Variants in GALNT12 observed in about 807,000 individuals in gnomAD.
GALNT12 encodes UDP-GalNAc:polypeptide N-acetylgalactosaminyltransferase 12.
A neutral mutation model predicts 55.5 loss-of-function variants in GALNT12; 45 were observed. That is an observed-to-expected ratio of 0.81 (90% CI 0.64 to 1.04). GALNT12 has a LOEUF of 1.04. Ranked by LOEUF, GALNT12 falls within the 50% of genes least tolerant of loss-of-function variation. The probability of loss-of-function intolerance (pLI) is 0.00; values close to 1 mark genes in which losing one functional copy is unlikely to be tolerated. For synonymous variants in GALNT12, 304 were observed against 312.2 expected (o/e 0.97, Z 0.28); for missense variants, 709 against 754.8 (o/e 0.94, Z 0.71).
At chr9:98,843,062 G>A (rs1454157499) in intron 7 of GALNT12, among the ~76,000 whole-genome samples, 1 of 152,130 alleles carries the variant, frequency 6.6e-6, no homozygotes, top group Non-Finnish European at 1.5e-5. Flanking sequence ...TTCTCATTGG[G>A]CAGAGAAAGG....
At position 98,823,345 on chromosome 9, in the gene GALNT12, G is replaced by T. The variant is rs756339026; in HGVS notation, c.461G>T (p.Arg154Leu). The part of the protein sequence containing the change: ...FYNEAWSTLL[R>L]TVYSVLETSP... The stretch of plus-strand genomic sequence containing the variant: ...AATGAAGCCTGGTCAACTCTCCTTC[G>T]GACAGTTTACAGTGTCCTTGAGACA... The change falls in exon 2 of 10, where the codon CGG (arginine) becomes CTG (leucine). Residue 154 changes from arginine to leucine, a missense_variant. Transcript: ENST00000375011. 3 of 1,613,994 alleles carry T rather than the reference G, an allele frequency of 1.9e-6. No individual in the cohort carries two copies. Among genetic ancestry groups the T allele is most frequent in the East Asian group, 2.2e-5 (1 of 44,878 alleles).
intron 1 of GALNT12, among the ~76,000 whole-genome samples, chr9:98,809,677 TC>T (rs1835451597): frequency 6.6e-6 from 1 of 152,328 alleles, no homozygotes; most frequent in South Asian, 2.1e-4. Context: ...TGTGCTTAAA[TC>T]TTAGTTTTTT....
chr9:98,844,046 G>C, intron 7 of GALNT12, 50 bp from the exon 8 acceptor site: 1 of 1,277,496 alleles, frequency 7.8e-7, no homozygotes. Context: ...TGTGGCATCT[G>C]TTAGTGTCTA....
intron 5 of GALNT12, among the ~76,000 whole-genome samples, chr9:98,835,739 CT>C (rs532032529): frequency 0.028 from 4,105 of 144,278 alleles, 51 homozygotes; most frequent in South Asian, 0.044. Flanking sequence ...GTAAGAATTT[CT>C]TTTTTTTTTT....
At position 98,831,916 on chromosome 9, in the gene GALNT12, G is replaced by A. The variant is rs1228145839; in HGVS notation, c.876G>A (p.Glu292=). Residue 292 remains glutamate (E), a synonymous_variant, in exon 4 of 10, where the codon GAG becomes GAA. Transcript: ENST00000375011. Reference sequence around the variant, plus strand: ...TGTTCACGTGGCACACAGTTCCTGAGAGGGAGAGGATACGGATGCAATCCC... The same window carrying A: ...TGTTCACGTGGCACACAGTTCCTGAAAGGGAGAGGATACGGATGCAATCCC... ...RLVFTWHTVP[E]RERIRMQSPV... is the part of the protein sequence containing the mutation. 5.0e-6 allele frequency: 8 copies of A among 1,614,018 alleles called. No homozygotes were observed. Among genetic ancestry groups the A allele is most frequent in the Non-Finnish European group, 6.8e-6 (8 of 1,180,026 alleles).
At chr9:98,844,049 A>T in intron 7 of GALNT12, 47 bp from the exon 8 acceptor site, 1 of 1,285,586 alleles carries the variant, frequency 7.8e-7, no homozygotes, top group Non-Finnish European at 1.1e-6. Context: ...GGCATCTGTT[A>T]GTGTCTATAA....
At chr9:98,815,840 C>T (rs1294368509) in intron 1 of GALNT12, among the ~76,000 whole-genome samples, 2 of 152,220 alleles carry the variant, frequency 1.3e-5, no homozygotes, top group African/African-American at 4.8e-5. Flanking sequence ...TGAACGCGCT[C>T]ACATACACGT....
intron 4 of GALNT12, among the ~76,000 whole-genome samples, chr9:98,832,823 T>G (rs1034464930): frequency 3.3e-5 from 5 of 152,226 alleles, no homozygotes; most frequent in African/African-American, 1.2e-4. Flanking sequence ...CTGAGTAATA[T>G]TCCTTTGTAC....
Position 98,849,585 on chromosome 9 carries a change from G to T in GALNT12, c.*493G>T, listed in dbSNP as rs899634206. ...CCCAGTATAGAGAGACTGTCACTAGGAACATTGTATTGATTTATTCAGGTC... is the reference window on the plus strand; with the variant it reads ...CCCAGTATAGAGAGACTGTCACTAGTAACATTGTATTGATTTATTCAGGTC... On this transcript the variant is annotated 3_prime_UTR_variant, in exon 10 of 10. Coordinates refer to ENST00000375011, the MANE Select transcript of GALNT12 (RefSeq NM_024642.5). 11 of 431,782 alleles carry T rather than the reference G, an allele frequency of 2.5e-5. No individual in the cohort carries two copies. Among genetic ancestry groups the T allele is most frequent in the African/African-American group, 2.0e-4 (10 of 49,042 alleles). The allele number at this position is 431,782 out of a possible 1,614,324, so 26.7% of individuals were successfully genotyped here.
At chr9:98,818,236 T>C (rs1410350986) in intron 1 of GALNT12, among the ~76,000 whole-genome samples, 13 of 152,170 alleles carry the variant, frequency 8.5e-5, no homozygotes, top group Non-Finnish European at 1.3e-4. Context: ...TTATTTTTTT[T>C]TTTTTAGACG....
chr9:98,831,715 G>A (rs1462541143), intron 3 of GALNT12, 57 bp from the exon 4 acceptor site: 6 of 1,597,310 alleles, frequency 3.8e-6, no homozygotes, highest in Non-Finnish European at 5.1e-6. Context: ...TTTCCCAATT[G>A]TCTTCCTGCT....
In GALNT12 at chr9:98,849,085, T is replaced by C. The variant is rs1194642022; in HGVS notation, c.1739T>C (p.Met580Thr). Residue 580 changes from methionine to threonine, a missense_variant, in exon 10 of 10, where the codon ATG (methionine) becomes ACG (threonine). Physicochemically the swap from Met to Thr is moderately conservative, Grantham distance 81 (BLOSUM62 -1). Coordinates refer to ENST00000375011, the MANE Select transcript of GALNT12 (RefSeq NM_024642.5). ...DHQKWFFKER[M>T]L ...CAGAAATGGTTCTTCAAAGAGCGCA[T>C]GTTATGAAGCCTCGTGTATCAAGGA... The C allele has an allele frequency of 1.2e-6, 2 of 1,614,180 alleles. No individual in the cohort carries two copies. The highest frequency in any genetic ancestry group is 1.7e-5 in the Admixed American group (1 of 60,026).
At chr9:98,844,492 A>G (rs1367045846) in intron 8 of GALNT12, 5 of 408,630 alleles carry the variant, frequency 1.2e-5, no homozygotes, top group Middle Eastern at 1.5e-3. Flanking sequence ...ATGTTATTAG[A>G]TACCCCTTGA....
intron 7 of GALNT12, among the ~76,000 whole-genome samples, chr9:98,842,469 A>G (rs979776795): frequency 2.0e-5 from 3 of 152,182 alleles, no homozygotes; most frequent in Admixed American, 6.5e-5. Flanking sequence ...GATTACAGGT[A>G]TGAGCCACTG....
At chr9:98,846,893 C>T (rs188052036) in intron 9 of GALNT12, among the ~76,000 whole-genome samples, 78 of 147,086 alleles carry the variant, frequency 5.3e-4, no homozygotes, top group Non-Finnish European at 1.0e-3. Flanking sequence ...TAATAGCAGA[C>T]TTACTTTACT....
intron 6 of GALNT12, among the ~76,000 whole-genome samples, chr9:98,838,164 G>A (rs1290397767): frequency 1.3e-5 from 2 of 152,166 alleles, no homozygotes; most frequent in African/African-American, 2.4e-5. Context: ...CTTCTTGTTA[G>A]CACCCTGGAA....
At chr9:98,833,984 T>G (rs1836066855) in intron 4 of GALNT12, among the ~76,000 whole-genome samples, 1 of 152,180 alleles carries the variant, frequency 6.6e-6, no homozygotes, top group African/African-American at 2.4e-5. Flanking sequence ...TGAAGGTGCT[T>G]TGTAGTCTAG....
At chr9:98,823,175 A>ACCTATGTCCCCTTTGTCACTCCATCC in intron 1 of GALNT12, 81 bp from the exon 2 acceptor site, 1 of 1,273,032 alleles carries the variant, frequency 7.9e-7, no homozygotes, top group Non-Finnish European at 1.1e-6. Flanking sequence ...GGGGACCATG[A>ACCTATGTCCCCTTTGTCACTCCATCC]CCTATGTCCC....
intron 1 of GALNT12, among the ~76,000 whole-genome samples, chr9:98,818,596 T>TTGAATCAGGTGTGACACG (rs1264313810): frequency 5.3e-5 from 8 of 152,094 alleles, no homozygotes; most frequent in African/African-American, 1.9e-4. Context: ...GGTGTGACAC[T>TTGAATCAGGTGTGACACG]TTAATCAGGC....
Sources: allele counts gnomAD v4.1 joint callset (sites outside exome capture counted in the v4.1 genomes callset), GRCh38; gene constraint gnomAD v4.1.1; transcripts MANE v1.5; gene names NCBI Gene and HGNC (gene_info 2026-07-23, HGNC 2026-07-21).